Variants in LZTFL1 observed in about 807,000 individuals in gnomAD.
The protein encoded by LZTFL1 is leucine zipper transcription factor-like protein 1.
In LZTFL1, 25 loss-of-function variants were observed where a neutral mutation model predicts 45.9. The observed-to-expected ratio is 0.54, with a 90% CI of 0.40 to 0.76. The LOEUF is 0.76. LZTFL1 is among the 30% of genes least tolerant of loss of function. The pLI is 0.00. For missense variants in LZTFL1, 277 were observed against 331.1 expected, an observed-to-expected ratio of 0.84 and a Z score of 1.27; for synonymous variants, 93 against 117.4, an observed-to-expected ratio of 0.79 and a Z score of 1.35.
At chr3:45,897,542 TC>T in intron 2 of LZTFL1, 1 of 1,513,418 alleles carries the variant, frequency 6.6e-7, no homozygotes, top group Non-Finnish European at 8.9e-7. Context: ...GCACAATTTC[TC>T]CCATTCTGCT....
chr3:45,890,284 T>TTATATAACATATA (rs1702117383), intron 2 of LZTFL1, among the ~76,000 whole-genome samples: 3 of 81,876 alleles, frequency 3.7e-5, no homozygotes, highest in East Asian at 6.4e-4. Flanking sequence ...ATATATATAT[T>TTATATAACATATA]TATATAAATA....
chr3:45,863,056 C>G (rs71325089), intron 2 of LZTFL1, among the ~76,000 whole-genome samples: 18,396 of 152,210 alleles, frequency 0.12, 1,468 homozygotes, highest in Non-Finnish European at 0.18. Context: ...TCAATAAAAA[C>G]ACATGCATTG....
exon 1 of LZTFL1, chr3:45,915,487 C>T (rs770433867): frequency 3.7e-5 from 17 of 456,218 alleles, no homozygotes; most frequent in South Asian, 7.7e-5. Context: ...CAGTCAGAGT[C>T]GGCCTTGGGA....
rs200207613 is a variant in LZTFL1 at position 45,902,087 on chromosome 3, A to G, written c.-215+11033T>C. 4.4e-5 allele frequency: 25 copies of G among 571,844 alleles called. No individual in the cohort carries two copies. In the East Asian group the frequency reaches 7.1e-4, roughly 16 times the overall value. The allele number at this position is 571,844 out of a possible 1,614,324, so 35.4% of individuals were successfully genotyped here. ...TTCAAAATCAACTGACTAGTGCAGGAGGCTGTTGATTGGCTCTTGACTGTG... is the reference window on the plus strand; with the variant it reads ...TTCAAAATCAACTGACTAGTGCAGGGGGCTGTTGATTGGCTCTTGACTGTG... On this transcript the variant is annotated intron_variant, in intron 2 of 4. Coordinates refer to the LZTFL1 transcript ENST00000472635.
intron 2 of LZTFL1, chr3:45,883,526 T>C (rs1701902851): frequency 8.7e-6 from 2 of 229,246 alleles, no homozygotes; most frequent in African/African-American, 4.6e-5. Context: ...AAGATGGCTG[T>C]CCACCAATGG....
chr3:45,910,919 G>T (rs1702783250), intron 2 of LZTFL1, among the ~76,000 whole-genome samples: 1 of 152,290 alleles, frequency 6.6e-6, no homozygotes, highest in Admixed American at 6.5e-5. Context: ...GATATTGGCT[G>T]GGGCTGTGGC....
At chr3:45,839,024 G>A (rs997569239) in intron 1 of LZTFL1, among the ~76,000 whole-genome samples, 1 of 152,206 alleles carries the variant, frequency 6.6e-6, no homozygotes, top group African/African-American at 2.4e-5. Flanking sequence ...GTATGGGCAA[G>A]AATATCCCAC....
chr3:45,861,114 G>A (rs541837421), intron 2 of LZTFL1, among the ~76,000 whole-genome samples: 2 of 151,808 alleles, frequency 1.3e-5, no homozygotes, highest in South Asian at 4.2e-4. Context: ...ACTAGAGAGG[G>A]CCCAGGAGTG....
At chr3:45,846,840 G>A (rs1010877010), upstream of LZTFL1, among the ~76,000 whole-genome samples, 3 of 152,202 alleles carry the variant, frequency 2.0e-5, no homozygotes, top group East Asian at 3.9e-4. Flanking sequence ...TAACTTTATG[G>A]AAATGCATAA....
intron 2 of LZTFL1, among the ~76,000 whole-genome samples, chr3:45,880,450 C>T (rs911127409): frequency 2.6e-5 from 4 of 151,904 alleles, no homozygotes; most frequent in Admixed American, 6.6e-5. Context: ...TGCAGTGAGC[C>T]GAGATCACGC....
intron 2 of LZTFL1, among the ~76,000 whole-genome samples, chr3:45,890,279 T>TATAAA (rs1553616516): frequency 1.3e-5 from 1 of 75,770 alleles, no homozygotes; most frequent in Non-Finnish European, 2.4e-5. Flanking sequence ...AACATATATA[T>TATAAA]ATATTTATAT....
intron 2 of LZTFL1, among the ~76,000 whole-genome samples, chr3:45,908,850 G>T (rs1247083647): frequency 6.6e-6 from 1 of 152,148 alleles, no homozygotes; most frequent in Non-Finnish European, 1.5e-5. Context: ...CAACCCCTGG[G>T]CCACAGACCA....
rs1702519511 is a variant in LZTFL1 at position 45,900,584 on chromosome 3, C to A, written c.-215+12536G>T. Among the ~76,000 whole-genome samples the A allele has an allele frequency of 6.6e-6, 1 of 152,124 alleles. No individual in the cohort carries two copies. Among genetic ancestry groups the A allele is most frequent in the Non-Finnish European group, 1.5e-5 (1 of 68,022 alleles). Reference sequence around the variant, plus strand: ...ACATCTGACTTATTTATTATGGTTTCTTTGGCACATAGCACAGTAGCCAAC... The same window carrying A: ...ACATCTGACTTATTTATTATGGTTTATTTGGCACATAGCACAGTAGCCAAC... On this transcript the variant is annotated intron_variant, in intron 2 of 4. Coordinates refer to the LZTFL1 transcript ENST00000472635. This position sits in a 1 kb window ranked among gnomAD's most constrained non-coding sequence, Gnocchi z 4.7.
At chr3:45,846,433 G>A (rs1267968274), upstream of LZTFL1, among the ~76,000 whole-genome samples, 2 of 151,998 alleles carry the variant, frequency 1.3e-5, no homozygotes, top group Non-Finnish European at 2.9e-5. Context: ...GTTGCTCCTT[G>A]AACAACACAA....
At chr3:45,831,210 C>A in intron 5 of LZTFL1, 72 bp from the exon 6 acceptor site, 1 of 834,960 alleles carries the variant, frequency 1.2e-6, no homozygotes, top group Non-Finnish European at 1.8e-6. Flanking sequence ...ACTTGTTTCA[C>A]TTAAAAATCT....
At chr3:45,894,966 C>T (rs200566750) in intron 2 of LZTFL1, 18 of 1,613,092 alleles carry the variant, frequency 1.1e-5, no homozygotes, top group Non-Finnish European at 1.4e-5. Flanking sequence ...TGAGTACAGC[C>T]GTGCTCCTCT....
intron 2 of LZTFL1, among the ~76,000 whole-genome samples, chr3:45,909,853 G>C (rs941161338): frequency 6.6e-6 from 1 of 152,338 alleles, no homozygotes; most frequent in Admixed American, 6.5e-5. Context: ...TCAACTTTTG[G>C]AAACCAGGAA....
intron 2 of LZTFL1, among the ~76,000 whole-genome samples, chr3:45,861,876 A>G (rs1244965551): frequency 6.6e-6 from 1 of 152,202 alleles, no homozygotes; most frequent in African/African-American, 2.4e-5. Context: ...CGTTTATATC[A>G]TTTATTACAA....
intron 2 of LZTFL1, among the ~76,000 whole-genome samples, chr3:45,861,816 C>A (rs938277157): frequency 6.6e-6 from 1 of 152,096 alleles, no homozygotes; most frequent in Non-Finnish European, 1.5e-5. Context: ...ATTTACTTAC[C>A]CCTTGCCTAA....
Sources: allele counts gnomAD v4.1 joint callset (sites outside exome capture counted in the v4.1 genomes callset), GRCh38; gene constraint gnomAD v4.1.1; non-coding constraint Gnocchi (gnomAD v3.1); transcripts MANE v1.5; gene names NCBI Gene and HGNC (gene_info 2026-07-23, HGNC 2026-07-21).